PLD5: variants seen among roughly 807,000 people sequenced by gnomAD.
The protein encoded by PLD5 is phospholipase D family member 5.
A neutral mutation model predicts 61.1 loss-of-function variants in PLD5; 36 were observed. The observed-to-expected ratio is 0.59, with a 90% CI of 0.45 to 0.78. The LOEUF (loss-of-function observed/expected upper bound fraction) is 0.78, where lower values mean the gene tolerates loss of function less well. PLD5 is among the 30% of genes least tolerant of loss of function. The pLI, the probability that PLD5 is intolerant of heterozygous loss-of-function variation, is 0.00. For missense variants in PLD5, 515 were observed against 644.4 expected (o/e 0.80, Z 2.17); for synonymous variants, 243 against 242.8 (o/e 1.00, Z -0.01).
intron 5 of PLD5, among the ~76,000 whole-genome samples, chr1:242,140,551 C>T (rs375743189): frequency 5.9e-5 from 9 of 152,230 alleles, no homozygotes; most frequent in East Asian, 1.9e-4. Context: ...ATGGGAGGAT[C>T]GCTTTAGCCC....
At position 242,221,802 on chromosome 1, in the gene PLD5, G is replaced by A. The variant is rs143785256; in HGVS notation, c.608-1687C>T. Among the ~76,000 whole-genome samples, 40 of 152,300 alleles carry A rather than the reference G, an allele frequency of 2.6e-4. 1 individual carries two copies. In the East Asian group the frequency reaches 5.8e-3, roughly 22 times the overall value. On this transcript the variant is annotated intron_variant, in intron 4 of 9. Transcript: ENST00000536534. ...GGTATGGAGAGACCCAAATCTGCATGGAGGTGTGGCCGGCCCCACAGACAC... is the reference window on the plus strand; with the variant it reads ...GGTATGGAGAGACCCAAATCTGCATAGAGGTGTGGCCGGCCCCACAGACAC...
chr1:242,377,949 T>C (rs1662059064), intron 1 of PLD5, among the ~76,000 whole-genome samples: 1 of 152,166 alleles, frequency 6.6e-6, no homozygotes, highest in African/African-American at 2.4e-5. Context: ...CTGTGAAAGA[T>C]AGTGTGGTGG....
intron 2 of PLD5, among the ~76,000 whole-genome samples, chr1:242,315,520 TCAA>T (rs763451507): frequency 2.0e-4 from 30 of 152,192 alleles, no homozygotes; most frequent in Non-Finnish European, 3.7e-4. Context: ...GGAAGAGTCT[TCAA>T]CATCCTCGGC....
chr1:242,215,255 G>C (rs78272607), intron 5 of PLD5, among the ~76,000 whole-genome samples: 7 of 152,014 alleles, frequency 4.6e-5, no homozygotes, highest in Non-Finnish European at 1.0e-4. Flanking sequence ...TAATGGTTCA[G>C]CTTATGCCAA....
At chr1:242,132,462 T>C (rs1663373293) in intron 5 of PLD5, among the ~76,000 whole-genome samples, 1 of 152,186 alleles carries the variant, frequency 6.6e-6, no homozygotes, top group Non-Finnish European at 1.5e-5. Flanking sequence ...TGTGAACAAG[T>C]ATTTCTTTAA....
chr1:242,449,408 G>A (rs1352172361), intron 1 of PLD5: 25 of 1,536,034 alleles, frequency 1.6e-5, no homozygotes, highest in Non-Finnish European at 2.1e-5. Flanking sequence ...AGGAGCTGTC[G>A]CTGATGTGCT....
Position 242,100,672 on chromosome 1 carries a change from A to G in PLD5, c.1350T>C (p.Tyr450=), listed in dbSNP as rs773050276. ...CTTCACAGCCCTGACACCTACCAAT[A>G]TAAGCTGCTCCATCTGTCACCATGT... ...NKYMVTDGAA[Y]IGNFDWVGND... Residue 450 remains tyrosine, a synonymous_variant, in exon 9 of 10, where the codon TAT becomes TAC. Coordinates refer to ENST00000536534, the MANE Select transcript of PLD5 (RefSeq NM_001372062.1). 93 of 1,613,170 alleles carry G rather than the reference A, an allele frequency of 5.8e-5. No homozygotes were observed. Among genetic ancestry groups the G allele is most frequent in the Non-Finnish European group, 7.5e-5 (88 of 1,179,352 alleles).
intron 1 of PLD5, among the ~76,000 whole-genome samples, chr1:242,393,553 T>C (rs1376354840): frequency 1.0e-5 from 1 of 95,896 alleles, no homozygotes; most frequent in African/African-American, 4.5e-5. Flanking sequence ...TATGTGTATA[T>C]ATATGAGTAT....
At chr1:242,318,869 G>A (rs1469268330) in intron 2 of PLD5, among the ~76,000 whole-genome samples, 1 of 152,108 alleles carries the variant, frequency 6.6e-6, no homozygotes, top group Non-Finnish European at 1.5e-5. Context: ...GAAAGGGATG[G>A]AGAAAAGTAA....
intron 5 of PLD5, among the ~76,000 whole-genome samples, chr1:242,151,522 C>T (rs893084712): frequency 1.3e-5 from 2 of 151,976 alleles, no homozygotes; most frequent in African/African-American, 2.4e-5. Flanking sequence ...AAAGTAGGCT[C>T]CTCTAACTCT....
intron 1 of PLD5, among the ~76,000 whole-genome samples, chr1:242,409,135 G>C (rs1475769113): frequency 1.3e-5 from 2 of 151,954 alleles, no homozygotes; most frequent in African/African-American, 4.8e-5. Context: ...CTTATATGGA[G>C]GGAAATTCCA....
intron 5 of PLD5, among the ~76,000 whole-genome samples, chr1:242,144,390 C>T (rs935126868): frequency 1.3e-5 from 2 of 152,138 alleles, no homozygotes; most frequent in South Asian, 2.1e-4. Context: ...AGAAAAGAAA[C>T]TAGAAGCAGA....
chr1:242,272,020 G>A (rs143756988), intron 3 of PLD5, among the ~76,000 whole-genome samples: 336 of 152,120 alleles, frequency 2.2e-3, no homozygotes, highest in African/African-American at 7.5e-3. Flanking sequence ...ATGGGAGGCA[G>A]TATTAAGAAA....
intron 1 of PLD5, among the ~76,000 whole-genome samples, chr1:242,510,998 T>C (rs773886419): frequency 1.3e-5 from 2 of 152,212 alleles, no homozygotes; most frequent in African/African-American, 4.8e-5. Context: ...TCATTTGTAA[T>C]ATACTTATGA....
upstream of PLD5, among the ~76,000 whole-genome samples, chr1:242,528,378 T>C (rs975276174): frequency 6.6e-6 from 1 of 152,202 alleles, no homozygotes; most frequent in African/African-American, 2.4e-5. Flanking sequence ...CATTAGCAGC[T>C]ATATCAATTA....
At chr1:242,112,388 C>T (rs371824037) in intron 7 of PLD5, among the ~76,000 whole-genome samples, 80 of 150,596 alleles carry the variant, frequency 5.3e-4, no homozygotes, top group African/African-American at 1.9e-3. Flanking sequence ...GGCTGGAGTA[C>T]AGTGGTGTGA....
At chr1:242,317,588 A>T (rs909280004) in intron 2 of PLD5, among the ~76,000 whole-genome samples, 6 of 152,280 alleles carry the variant, frequency 3.9e-5, no homozygotes, top group African/African-American at 1.4e-4. Context: ...ATTTTTTTTT[A>T]AAACTCTATG....
upstream of PLD5, among the ~76,000 whole-genome samples, chr1:242,524,928 G>A (rs533877715): frequency 7.9e-5 from 12 of 152,146 alleles, no homozygotes; most frequent in African/African-American, 2.9e-4. Context: ...GGCAGGCGAG[G>A]GGAGAAGTGA....
chr1:242,186,000 C>G (rs1173626186), intron 5 of PLD5, among the ~76,000 whole-genome samples: 1 of 152,044 alleles, frequency 6.6e-6, no homozygotes, highest in Non-Finnish European at 1.5e-5. Context: ...TACCCATGTC[C>G]TAGCCCAGAG....
Sources: allele counts gnomAD v4.1 joint callset (sites outside exome capture counted in the v4.1 genomes callset), GRCh38; gene constraint gnomAD v4.1.1; transcripts MANE v1.5; gene names NCBI Gene and HGNC (gene_info 2026-07-23, HGNC 2026-07-21).